Variants in COMMD1 observed in about 807,000 individuals in gnomAD.
COMMD1 encodes the protein COMM domain-containing protein 1.
Under a neutral mutation model 17.2 loss-of-function variants are expected in COMMD1, and 10 were observed. That is an observed-to-expected ratio of 0.58 (90% confidence interval 0.36 to 0.99). The LOEUF is 0.99. COMMD1 is among the 50% of genes least tolerant of loss of function. The pLI is 0.01. For synonymous variants in COMMD1, 97 were observed against 91.6 expected (o/e 1.06, Z -0.34); for missense variants, 270 against 231.8 (o/e 1.17, Z -1.07).
At chr2:62,026,216 T>C (rs998436740) in intron 2 of COMMD1, among the ~76,000 whole-genome samples, 2 of 152,136 alleles carry the variant, frequency 1.3e-5, no homozygotes, top group African/African-American at 4.8e-5. Flanking sequence ...GGGTACTTTA[T>C]AAAGAAAAGC....
chr2:61,894,648 TA>T (rs989931224), intron 1 of COMMD1, among the ~76,000 whole-genome samples: 4 of 150,272 alleles, frequency 2.7e-5, no homozygotes, highest in South Asian at 2.1e-4. Flanking sequence ...CAAGCTAAAT[TA>T]AAAAAAATAG....
At chr2:62,042,463 T>C (rs1670246484) in intron 2 of COMMD1, among the ~76,000 whole-genome samples, 1 of 152,170 alleles carries the variant, frequency 6.6e-6, no homozygotes, top group South Asian at 2.1e-4. Flanking sequence ...GCCTGGGCAC[T>C]CCGGCAACCC....
At chr2:61,921,795 C>T (rs1670203742) in intron 1 of COMMD1, among the ~76,000 whole-genome samples, 1 of 152,210 alleles carries the variant, frequency 6.6e-6, no homozygotes, top group African/African-American at 2.4e-5. Context: ...TTTCACCTTT[C>T]TTTAACTGCC....
At chr2:61,940,107 G>A (rs1472318539) in intron 1 of COMMD1, among the ~76,000 whole-genome samples, 1 of 152,188 alleles carries the variant, frequency 6.6e-6, no homozygotes, top group East Asian at 1.9e-4. Context: ...TTATTGGGAA[G>A]TGCTCACAGT....
chr2:61,902,066 C>T (rs1669668146), upstream of COMMD1, among the ~76,000 whole-genome samples: 1 of 151,866 alleles, frequency 6.6e-6, no homozygotes, highest in South Asian at 2.1e-4. Context: ...CTCTTGACCT[C>T]GTGATCCACC....
chr2:62,075,652 A>C (rs1260557857), intron 2 of COMMD1, among the ~76,000 whole-genome samples: 1 of 152,192 alleles, frequency 6.6e-6, no homozygotes, highest in Non-Finnish European at 1.5e-5. Context: ...GAGGAACTAG[A>C]ACTCAAATCC....
At chr2:62,017,714 G>C (rs976561605) in intron 2 of COMMD1, among the ~76,000 whole-genome samples, 17 of 151,160 alleles carry the variant, frequency 1.1e-4, no homozygotes, top group African/African-American at 4.1e-4. Flanking sequence ...TCTTTTGGCT[G>C]TGTGGCTCTG....
intron 2 of COMMD1, among the ~76,000 whole-genome samples, chr2:62,034,611 G>C (rs1489492954): frequency 3.3e-5 from 5 of 152,186 alleles, no homozygotes; most frequent in Non-Finnish European, 5.9e-5. Context: ...AATGTTTTCA[G>C]ATGTTTAAGG....
At chr2:62,065,183 A>T (rs1670995987) in intron 2 of COMMD1, among the ~76,000 whole-genome samples, 1 of 152,066 alleles carries the variant, frequency 6.6e-6, no homozygotes, top group Non-Finnish European at 1.5e-5. Context: ...TCTCTCAAAA[A>T]TATGTATATG....
chr2:62,011,193 G>A (rs567166216), intron 2 of COMMD1, among the ~76,000 whole-genome samples: 1 of 152,060 alleles, frequency 6.6e-6, no homozygotes, highest in South Asian at 2.1e-4. Flanking sequence ...TCCATGTCCT[G>A]CTTTATGTTT....
intron 2 of COMMD1, among the ~76,000 whole-genome samples, chr2:62,005,326 T>C (rs1669080760): frequency 6.6e-6 from 1 of 152,234 alleles, no homozygotes; most frequent in South Asian, 2.1e-4. Context: ...TGAGATTGTT[T>C]ATTCAGGAAC....
chr2:62,000,365 C>T (rs909119750), intron 1 of COMMD1, among the ~76,000 whole-genome samples: 10 of 151,644 alleles, frequency 6.6e-5, no homozygotes, highest in Admixed American at 2.0e-4. Context: ...CCCTGCCTCC[C>T]GGTTGAAGCG....
intron 1 of COMMD1, among the ~76,000 whole-genome samples, chr2:61,959,029 C>T (rs918770990): frequency 1.3e-5 from 2 of 151,964 alleles, no homozygotes; most frequent in East Asian, 3.8e-4. Flanking sequence ...TTATACTTAA[C>T]TCATTGTACT....
chr2:62,080,309 A>G (rs1671481613), intron 2 of COMMD1, among the ~76,000 whole-genome samples: 1 of 152,238 alleles, frequency 6.6e-6, no homozygotes, highest in Admixed American at 6.5e-5. Context: ...AAATAAAAAA[A>G]GAGATGAATA....
chr2:62,005,495 T>A (rs908565938), intron 2 of COMMD1, among the ~76,000 whole-genome samples: 2 of 151,986 alleles, frequency 1.3e-5, no homozygotes, highest in African/African-American at 4.8e-5. Context: ...TCAAACAAAT[T>A]TACAAGAAAA....
At chr2:61,939,323 G>A (rs1270471978) in intron 1 of COMMD1, among the ~76,000 whole-genome samples, 4 of 151,582 alleles carry the variant, frequency 2.6e-5, no homozygotes, top group Admixed American at 6.6e-5. Context: ...AAAATTAGCT[G>A]GGCATGGTGG....
intron 2 of COMMD1, among the ~76,000 whole-genome samples, chr2:62,053,526 T>G (rs913015854): frequency 2.0e-5 from 3 of 152,164 alleles, no homozygotes; most frequent in African/African-American, 7.2e-5. Flanking sequence ...GAAAAAAGAA[T>G]GAAGAGAGCC....
rs368767714 is a variant in COMMD1, at chr2:61,975,784, T to A, written c.181-24917T>A. 7.9e-5 allele frequency among the ~76,000 whole-genome samples: 12 copies of A among 152,236 alleles called. No individual in the cohort carries two copies. The East Asian group carries it at 9.6e-4, about 12-fold the overall frequency. On this transcript the variant is annotated intron_variant, in intron 1 of 2. Coordinates refer to ENST00000311832, the MANE Select transcript of COMMD1 (RefSeq NM_152516.4). ...AGTATTGTGGGGTTTTTCAGCCATC[T>A]TTCTGTTTTTGATTTCTAGTTTAAT...
intron 2 of COMMD1, among the ~76,000 whole-genome samples, chr2:62,072,595 A>G (rs928662259): frequency 4.6e-5 from 7 of 152,236 alleles, no homozygotes; most frequent in African/African-American, 1.7e-4. Context: ...AAAGCGCTGT[A>G]ACATGTTCCT....
Sources: allele counts gnomAD v4.1 joint callset (sites outside exome capture counted in the v4.1 genomes callset), GRCh38; gene constraint gnomAD v4.1.1; transcripts MANE v1.5; gene names NCBI Gene and HGNC (gene_info 2026-07-23, HGNC 2026-07-21).